The following PCDHGA3 variants were observed in gnomAD, a reference collection of about 807,000 sequenced individuals.
PCDHGA3 encodes the protein protocadherin gamma-A3.
Under a neutral mutation model 58.5 loss-of-function variants are expected in PCDHGA3, and 40 were observed. The observed-to-expected ratio is 0.68, with a 90% confidence interval of 0.53 to 0.89. PCDHGA3 has a LOEUF of 0.89. PCDHGA3 is among the 40% of genes least tolerant of loss of function. The pLI, the probability that PCDHGA3 is intolerant of heterozygous loss-of-function variation, is 0.00. For synonymous variants in PCDHGA3, 530 were observed against 525.7 expected, an observed-to-expected ratio of 1.01 and a Z score of -0.11; for missense variants, 1,223 against 1,195.9, an observed-to-expected ratio of 1.02 and a Z score of -0.33.
At chr5:141,430,603 C>A in intron 1 of PCDHGA3, 1 of 632,906 alleles carries the variant, frequency 1.6e-6, no homozygotes, top group Non-Finnish European at 2.5e-6. Context: ...GCGCCTGAAG[C>A]ACAAAGCAGA....
intron 1 of PCDHGA3, chr5:141,419,616 A>G (rs1291494618): frequency 6.2e-7 from 1 of 1,612,086 alleles, no homozygotes; most frequent in African/African-American, 1.3e-5. Flanking sequence ...CAGCCAGGCT[A>G]CCTGGTGACC....
intron 1 of PCDHGA3, among the ~76,000 whole-genome samples, chr5:141,446,747 G>T (rs997132200): frequency 3.9e-5 from 6 of 152,190 alleles, no homozygotes; most frequent in Non-Finnish European, 8.8e-5. Context: ...GATTACAGGC[G>T]TGAGCCACCG....
In PCDHGA3 at chr5:141,480,546, G is replaced by A. The variant is rs184388425; in HGVS notation, c.2425-14261G>A. Reference sequence around the variant, plus strand: ...GACAAAGTAGAAGCACATATGAAAAGGCTAAGAAAGCATGAAAGCCAGCAA... The same window carrying A: ...GACAAAGTAGAAGCACATATGAAAAAGCTAAGAAAGCATGAAAGCCAGCAA... On this transcript the variant is annotated intron_variant, in intron 1 of 3. Coordinates refer to ENST00000253812, the MANE Select transcript of PCDHGA3 (RefSeq NM_018916.4). 4.9e-4 allele frequency among the ~76,000 whole-genome samples: 63 copies of A among 128,620 alleles called. 1 individual carries two copies. Among genetic ancestry groups the A allele is most frequent in the Middle Eastern group, 4.2e-3 (1 of 236 alleles). The allele number at this position is 128,620 out of a possible 152,430, so 84.4% of individuals were successfully genotyped here. A position where few individuals can be genotyped will look rare whatever the true frequency, so the allele number is the denominator to read the frequency against.
chr5:141,483,887 C>G (rs147069309), intron 1 of PCDHGA3, among the ~76,000 whole-genome samples: 13 of 152,036 alleles, frequency 8.6e-5, no homozygotes, highest in Non-Finnish European at 1.2e-4. Context: ...TTTTCTATTT[C>G]TCTGAGCTCT....
In PCDHGA3 at chr5:141,356,748, T is replaced by C. The variant is rs1178613411; in HGVS notation, c.2424+10291T>C. On this transcript the variant is annotated intron_variant, in intron 1 of 3. Transcript: ENST00000253812. Reference sequence around the variant, plus strand: ...ACTCCAATACAGGGATCCTATATGCTCTTTGCTCCTTCGACTATGAGCAGT... The same window carrying C: ...ACTCCAATACAGGGATCCTATATGCCCTTTGCTCCTTCGACTATGAGCAGT... 3.1e-6 allele frequency: 5 copies of C among 1,613,836 alleles called. No individual in the cohort carries two copies. In the African/African-American group the frequency reaches 6.7e-5, roughly 22 times the overall value.
intron 1 of PCDHGA3, chr5:141,426,860 A>T (rs771106873): frequency 2.6e-5 from 12 of 456,702 alleles, no homozygotes; most frequent in Admixed American, 2.3e-4. Flanking sequence ...CTCCAGAATT[A>T]GTGCTGGAGA....
chr5:141,361,425 G>A (rs1318279752), intron 1 of PCDHGA3: 1 of 1,614,000 alleles, frequency 6.2e-7, no homozygotes, highest in Admixed American at 1.7e-5. Flanking sequence ...GGGGCAAGCC[G>A]CCCCTCTCCT....
At chr5:141,418,874 G>A (rs2096295785) in intron 1 of PCDHGA3, 1 of 1,614,024 alleles carries the variant, frequency 6.2e-7, no homozygotes, top group East Asian at 2.2e-5. Context: ...AGAAGTTGTA[G>A]ACGAAAACGA....
chr5:141,343,976 G>T lies in PCDHGA3; in HGVS notation c.-58G>T. ...CTTCGTTTCTTGAGAAAATAAGATTGGAGTCCGTCGTAGGAAACTGGAACC... is the reference window on the plus strand; with the variant it reads ...CTTCGTTTCTTGAGAAAATAAGATTTGAGTCCGTCGTAGGAAACTGGAACC... On this transcript the variant is annotated 5_prime_UTR_variant, in exon 1 of 4. Transcript: ENST00000253812. The T allele has an allele frequency of 7.2e-7, 1 of 1,391,600 alleles. No homozygotes were observed. Among genetic ancestry groups the T allele is most frequent in the Non-Finnish European group, 9.7e-7 (1 of 1,032,626 alleles). The allele number at this position is 1,391,600 out of a possible 1,614,324, so 86.2% of individuals were successfully genotyped here. A position where few individuals can be genotyped will look rare whatever the true frequency, so the allele number is the denominator to read the frequency against.
intron 1 of PCDHGA3, chr5:141,364,306 G>A (rs760708821): frequency 2.6e-6 from 4 of 1,522,568 alleles, no homozygotes; most frequent in East Asian, 4.5e-5. Flanking sequence ...CCAGAACTAA[G>A]AGAAAATTGG....
In PCDHGA3 at chr5:141,491,219, C is replaced by T; in HGVS notation, c.2425-3588C>T. ...GGTGACCCTTCACTCTCCTCCACAG[C>T]CACAGTGCTGCTGGTTCTGGAGGAT... is the stretch of plus-strand genomic sequence containing the variant. On this transcript the variant is annotated intron_variant, in intron 1 of 3. Coordinates refer to ENST00000253812, the MANE Select transcript of PCDHGA3 (RefSeq NM_018916.4). The surrounding 1 kb of genome is among the most constrained non-coding windows in gnomAD (Gnocchi z 6.9). 3 of 1,614,208 alleles carry T rather than the reference C, an allele frequency of 1.9e-6. No homozygotes were observed. The highest frequency in any genetic ancestry group is 2.5e-6 in the Non-Finnish European group (3 of 1,180,028).
intron 1 of PCDHGA3, chr5:141,382,806 C>G: frequency 9.1e-7 from 1 of 1,097,502 alleles, no homozygotes; most frequent in South Asian, 1.6e-5. Context: ...GGATTCTGAG[C>G]TCCCCTTCCT....
At chr5:141,371,058 A>C in intron 1 of PCDHGA3, 9 of 1,613,990 alleles carry the variant, frequency 5.6e-6, no homozygotes, top group Non-Finnish European at 7.6e-6. Flanking sequence ...CGAGCCCTCC[A>C]GAAGCTGTAC....
rs773014837 is a variant in PCDHGA3 at position 141,374,968 on chromosome 5, T to G, written c.2424+28511T>G. 114 of 1,614,056 alleles carry G rather than the reference T, an allele frequency of 7.1e-5. No individual in the cohort carries two copies. The highest frequency in any genetic ancestry group is 3.3e-4 in the Middle Eastern group (2 of 6,062). On this transcript the variant is annotated intron_variant, in intron 1 of 3. Transcript: ENST00000253812. ...AGATCTCACAAATTTTCTGTTTGAA[T>G]GTTTTGACTGGAGAAATTTCAACTT... is the stretch of plus-strand genomic sequence containing the variant.
At position 141,371,682 on chromosome 5, in the gene PCDHGA3, C is replaced by T. The variant is rs752117459; in HGVS notation, c.2424+25225C>T. 12 of 1,613,918 alleles carry T rather than the reference C, an allele frequency of 7.4e-6. No homozygotes were observed. In the African/African-American group the frequency reaches 1.6e-4, roughly 22 times the overall value. On this transcript the variant is annotated intron_variant, in intron 1 of 3. Transcript: ENST00000253812. Reference sequence around the variant, plus strand: ...GATCACAGCTACCGACAAAGGCAATCCACCGCTCTCCTCCAGCAAGACCAT... The same window carrying T: ...GATCACAGCTACCGACAAAGGCAATTCACCGCTCTCCTCCAGCAAGACCAT...
At chr5:141,449,450 T>C (rs1269861041) in intron 1 of PCDHGA3, among the ~76,000 whole-genome samples, 2 of 151,216 alleles carry the variant, frequency 1.3e-5, no homozygotes, top group Non-Finnish European at 2.9e-5. Context: ...CTACTAAAAA[T>C]ACAAAAATTA....
At chr5:141,409,119 C>T (rs1231583978) in intron 1 of PCDHGA3, 8 of 1,613,810 alleles carry the variant, frequency 5.0e-6, no homozygotes, top group Non-Finnish European at 6.8e-6. Flanking sequence ...AATAACCAGT[C>T]ATTTGATTTT....
chr5:141,399,632 C>G, intron 1 of PCDHGA3: 1 of 1,613,894 alleles, frequency 6.2e-7, no homozygotes, highest in Non-Finnish European at 8.5e-7. Flanking sequence ...TCTTACGTGT[C>G]CATGAGCGCG....
Position 141,490,900 on chromosome 5 carries a change from G to A in PCDHGA3, c.2425-3907G>A, listed in dbSNP as rs2099705863. 2 of 1,613,796 alleles carry A rather than the reference G, an allele frequency of 1.2e-6. No individual in the cohort carries two copies. The highest frequency in any genetic ancestry group is 2.7e-5 in the African/African-American group (2 of 75,050). ...TGCCAACACATCTCTGCATGTGTTT[G>A]TCCTAGACGAGAATGATAATGCCCC... On this transcript the variant is annotated intron_variant, in intron 1 of 3. Transcript: ENST00000253812. The surrounding 1 kb of genome is among the most constrained non-coding windows in gnomAD (Gnocchi z 5.4).
Sources: gnomAD v4.1 joint callset for allele counts (sites outside exome capture counted in the v4.1 genomes callset) on GRCh38, gnomAD v4.1.1 for gene constraint, Gnocchi (gnomAD v3.1) non-coding constraint, MANE v1.5 for transcripts, NCBI Gene and HGNC (gene_info 2026-07-23, HGNC 2026-07-21) for gene names.